Variants in RBM26 observed in about 807,000 individuals in gnomAD.
RBM26 encodes RNA binding motif protein 26, also known as RNA-binding protein 26.
A neutral mutation model predicts 123.6 loss-of-function variants in RBM26; 30 were observed. That is an observed-to-expected ratio of 0.24 (90% confidence interval 0.18 to 0.33). RBM26 has a LOEUF of 0.33. Ranked by LOEUF, RBM26 falls within the 10% of genes least tolerant of loss-of-function variation. The probability of loss-of-function intolerance (pLI) is 1.00; values close to 1 mark genes in which losing one functional copy is unlikely to be tolerated. For synonymous variants in RBM26, 400 were observed against 404.4 expected, an observed-to-expected ratio of 0.99 and a Z score of 0.13; for missense variants, 947 against 1,203.6, an observed-to-expected ratio of 0.79 and a Z score of 3.15.
intron 1 of RBM26, among the ~76,000 whole-genome samples, chr13:79,381,297 C>A (rs191677275): frequency 6.6e-6 from 1 of 151,972 alleles, no homozygotes; most frequent in Non-Finnish European, 1.5e-5. Context: ...CAACGAGGTG[C>A]CAGAAACCTG....
intron 20 of RBM26, among the ~76,000 whole-genome samples, chr13:79,322,675 T>C (rs1566285039): frequency 6.6e-6 from 1 of 151,578 alleles, no homozygotes; most frequent in East Asian, 1.9e-4. Flanking sequence ...ATCAGACTAG[T>C]AATTGCAAAT....
At chr13:79,313,263 TCAAAG>T (rs1387320277) in exon 5 of RBM26, 10 of 151,846 alleles carry the variant, frequency 6.6e-5, no homozygotes, top group Non-Finnish European at 1.5e-4. Flanking sequence ...TGACTAGATC[TCAAAG>T]CAATTTTAAA....
intron 9 of RBM26, among the ~76,000 whole-genome samples, chr13:79,361,824 C>T (rs765576546): frequency 6.6e-6 from 1 of 152,082 alleles, no homozygotes; most frequent in Non-Finnish European, 1.5e-5. Context: ...CTTTACATAG[C>T]CTTCCTAAAA....
rs78882710 is a variant in RBM26 at position 79,344,660 on chromosome 13, T to C, written c.2184+9A>G. The C allele has an allele frequency of 3.9e-4, 624 of 1,608,580 alleles. 5 individuals are homozygous for C. The African/African-American group carries it at 7.7e-3, about 20-fold the overall frequency. Reference sequence around the variant, plus strand: ...CAAAAATTTTTTATACTATACCAGTTGTACTTACCTGTTTTTTTTTCTGTG... The same window carrying C: ...CAAAAATTTTTTATACTATACCAGTCGTACTTACCTGTTTTTTTTTCTGTG... On this transcript the variant is annotated intron_variant, in intron 15 of 21. Transcript: ENST00000438737.
intron 1 of RBM26, 25 bp downstream of exon 1, chr13:79,405,678 CA>C (rs2079476062): frequency 6.5e-7 from 1 of 1,545,632 alleles, no homozygotes; most frequent in Non-Finnish European, 8.8e-7. Context: ...GCCATCCCTG[CA>C]AAGAGATATC....
intron 13 of RBM26, among the ~76,000 whole-genome samples, chr13:79,353,445 T>A (rs1174862676): frequency 6.6e-6 from 1 of 152,062 alleles, no homozygotes; most frequent in African/African-American, 2.4e-5. Flanking sequence ...TGATGTAAAC[T>A]AAGAGGTCTG....
rs577360231 is a variant in RBM26 at position 79,344,369 on chromosome 13, A to G, written c.2185-47T>C. 7 of 1,336,766 alleles carry G rather than the reference A, an allele frequency of 5.2e-6. No homozygotes were observed. In the African/African-American group the frequency reaches 1.0e-4, roughly 19 times the overall value. 82.8% of individuals were successfully genotyped at this position (1,336,766 alleles called of 1,614,324 possible). On this transcript the variant is annotated intron_variant, in intron 15 of 21. Coordinates refer to ENST00000438737, the MANE Select transcript of RBM26 (RefSeq NM_001366735.2). Reference sequence around the variant, plus strand: ...ATCATTAGAATATTACTAAGGATAAACAATATTATTCAAGAGAAGAGAAAT... The same window carrying G: ...ATCATTAGAATATTACTAAGGATAAGCAATATTATTCAAGAGAAGAGAAAT...
At chr13:79,379,701 CAA>C (rs78114155) in intron 1 of RBM26, among the ~76,000 whole-genome samples, 1 of 134,950 alleles carries the variant, frequency 7.4e-6, no homozygotes, top group Admixed American at 7.4e-5. Context: ...AAAAACAGAA[CAA>C]AAAAAAAAAC....
intron 21 of RBM26, 87 bp from the exon 22 acceptor site, chr13:79,320,797 C>T: frequency 7.7e-7 from 1 of 1,290,912 alleles, no homozygotes; most frequent in Non-Finnish European, 1.0e-6. Context: ...ACTCATCTCT[C>T]TCAACAGAGT....
chr13:79,321,377 T>C (rs1277369092), intron 21 of RBM26, among the ~76,000 whole-genome samples: 2 of 151,472 alleles, frequency 1.3e-5, no homozygotes, highest in African/African-American at 4.8e-5. Context: ...ACTATGGATA[T>C]GTATAACAGC....
At chr13:79,342,882 T>C in intron 16 of RBM26, 51 bp from the exon 17 acceptor site, 1 of 1,174,934 alleles carries the variant, frequency 8.5e-7, no homozygotes, top group Non-Finnish European at 1.2e-6. Context: ...CCTATTATCA[T>C]TAACAAAACA....
rs56071300 is a variant in RBM26, at chr13:79,319,949, CTTT to C, written c.*669_*671del. 3,703 of 115,152 alleles carry C rather than the reference CTTT, an allele frequency of 0.032. No individual in the cohort carries two copies. The highest frequency in any genetic ancestry group is 0.044 in the Middle Eastern group (10 of 228). The allele number at this position is 115,152 out of a possible 1,614,324, so 7.1% of individuals were successfully genotyped here. ...TTTAAATCAAGGAACATTGTCTTGGCTTTTTTTTTTTTTTTTTTTTTGTCATTG... is the reference window on the plus strand; with the variant it reads ...TTTAAATCAAGGAACATTGTCTTGGCTTTTTTTTTTTTTTTTTTGTCATTG... On this transcript the variant is annotated 3_prime_UTR_variant, in exon 22 of 22. Coordinates refer to ENST00000438737, the MANE Select transcript of RBM26 (RefSeq NM_001366735.2).
At chr13:79,336,479 C>A (rs2070425729) in intron 19 of RBM26, among the ~76,000 whole-genome samples, 1 of 152,104 alleles carries the variant, frequency 6.6e-6, no homozygotes, top group Admixed American at 6.5e-5. Context: ...CTAAGAATCA[C>A]AGCATTTGAG....
At chr13:79,398,680 T>C (rs181560921) in intron 1 of RBM26, among the ~76,000 whole-genome samples, 1 of 152,284 alleles carries the variant, frequency 6.6e-6, no homozygotes, top group East Asian at 1.9e-4. Flanking sequence ...TAAATATTAA[T>C]ATACTTCAAT....
At chr13:79,359,732 A>T in intron 9 of RBM26, 46 bp from the exon 10 acceptor site, 1 of 1,056,052 alleles carries the variant, frequency 9.5e-7, no homozygotes, top group Non-Finnish European at 1.3e-6. Context: ...ATAGGTTAAT[A>T]TTTTCTATTT....
intron 9 of RBM26, among the ~76,000 whole-genome samples, chr13:79,364,237 T>C (rs767547463): frequency 3.2e-4 from 48 of 152,198 alleles, no homozygotes; most frequent in Admixed American, 1.7e-3. Context: ...AGGATATAAA[T>C]CTGAATTAAA....
chr13:79,344,520 T>A, intron 15 of RBM26, 149 bp downstream of exon 15: 1 of 833,676 alleles, frequency 1.2e-6, no homozygotes. Flanking sequence ...AAAATTTTTA[T>A]TTACCGCTAT....
At chr13:79,346,544 T>G (rs1021794242) in intron 14 of RBM26, among the ~76,000 whole-genome samples, 4 of 152,030 alleles carry the variant, frequency 2.6e-5, no homozygotes, top group Non-Finnish European at 4.4e-5. Flanking sequence ...GGCTAATGTT[T>G]TGTATTTTTT....
At chr13:79,379,351 T>C (rs1168584858) in intron 1 of RBM26, among the ~76,000 whole-genome samples, 1 of 96,640 alleles carries the variant, frequency 1.0e-5, no homozygotes, top group African/African-American at 4.3e-5. Context: ...CTGGGCAAAA[T>C]GGCGAAACCC....
Sources: allele counts gnomAD v4.1 joint callset (sites outside exome capture counted in the v4.1 genomes callset), GRCh38; gene constraint gnomAD v4.1.1; transcripts MANE v1.5; gene names NCBI Gene and HGNC (gene_info 2026-07-23, HGNC 2026-07-21).